MYO1F: variants seen among roughly 807,000 people sequenced by gnomAD.
MYO1F encodes the protein unconventional myosin-If.
A neutral mutation model predicts 146.6 loss-of-function variants in MYO1F; 60 were observed. That is an observed-to-expected ratio of 0.41 (90% CI 0.33 to 0.51). MYO1F has a LOEUF of 0.51. Among genes scored for constraint, MYO1F ranks in the 20% least tolerant of loss-of-function variants. The pLI is 0.25. For missense variants in MYO1F, 1,274 were observed against 1,534.3 expected, an observed-to-expected ratio of 0.83 and a Z score of 2.83; for synonymous variants, 602 against 602.1, an observed-to-expected ratio of 1.00 and a Z score of 0.00.
At chr19:8,567,906 T>G (rs2042035195) in intron 1 of MYO1F, among the ~76,000 whole-genome samples, 1 of 152,222 alleles carries the variant, frequency 6.6e-6, no homozygotes, top group African/African-American at 2.4e-5. Context: ...CCACTCAGGC[T>G]GAACTAAGAC....
chr19:8,561,605 T>C (rs1974133146), intron 1 of MYO1F, among the ~76,000 whole-genome samples: 1 of 147,758 alleles, frequency 6.8e-6, no homozygotes, highest in African/African-American at 2.5e-5. Flanking sequence ...CTCTTCTCTT[T>C]TTTCTTTCTC....
At position 8,570,392 on chromosome 19, in the gene MYO1F, T is replaced by A. The variant is rs140543028; in HGVS notation, c.3+6915A>T. ...GCCACATTTTTTTTTTTATTTGAGA[T>A]GGAGTCTCGCTCTTGTTGCTCAGTC... On this transcript the variant is annotated intron_variant, in intron 1 of 27. Transcript: ENST00000644032. Among the ~76,000 whole-genome samples, 1,267 of 149,160 alleles carry A rather than the reference T, an allele frequency of 8.5e-3. 23 individuals are homozygous for A. Among genetic ancestry groups the A allele is most frequent in the African/African-American group, 0.03 (1,201 of 40,366 alleles).
chr19:8,526,370 G>T, intron 24 of MYO1F, 83 bp downstream of exon 24: 1 of 1,490,490 alleles, frequency 6.7e-7, no homozygotes, highest in Non-Finnish European at 9.1e-7. Flanking sequence ...TCTCTCTGTA[G>T]ACACTCCCCT....
rs372580076 is a variant in MYO1F at position 8,521,433 on chromosome 19, A to G, written c.*95T>C. On this transcript the variant is annotated 3_prime_UTR_variant, in exon 28 of 28. Coordinates refer to ENST00000644032, the MANE Select transcript of MYO1F (RefSeq NM_012335.4). ...CTGGACTTTTAGGCTATTGCAGCCCAGGTAAACGAGGCTCTCATTGGCAGG... is the reference window on the plus strand; with the variant it reads ...CTGGACTTTTAGGCTATTGCAGCCCGGGTAAACGAGGCTCTCATTGGCAGG... The G allele has an allele frequency of 1.4e-5, 19 of 1,327,154 alleles. No individual in the cohort carries two copies. Among genetic ancestry groups the G allele is most frequent in the South Asian group, 4.8e-5 (4 of 82,690 alleles). 82.2% of individuals were successfully genotyped at this position (1,327,154 alleles called of 1,614,324 possible).
chr19:8,538,241 CAG>C (rs1972814194), intron 16 of MYO1F, among the ~76,000 whole-genome samples: 4 of 151,852 alleles, frequency 2.6e-5, no homozygotes, highest in African/African-American at 9.7e-5. Context: ...CCTGGGATTA[CAG>C]GCTTGAGCCA....
rs1434659172 is a variant in MYO1F, at chr19:8,544,362, C to T, written c.1459G>A (p.Val487Met). The T allele has an allele frequency of 5.6e-6, 9 of 1,612,896 alleles. No individual in the cohort carries two copies. Among genetic ancestry groups the T allele is most frequent in the Admixed American group, 1.7e-5 (1 of 59,964 alleles). Reference sequence around the variant, plus strand: ...CTGTTGAAATGCTCGTGGGTCCCCACAGCCGCCTGCAGCTTCTGCAGCAGT... The same window carrying T: ...CTGTTGAAATGCTCGTGGGTCCCCATAGCCGCCTGCAGCTTCTGCAGCAGT... ...QTLLQKLQAAVGTHEHFNSWS... is the reference protein window; with the variant it reads ...QTLLQKLQAAMGTHEHFNSWS... The change falls in exon 14 of 28, where the codon GTG (valine) becomes ATG (methionine). Residue 487 changes from valine (V) to methionine (M), a missense_variant. This residue lies in a region of MYO1F where 900 missense variants were observed against 1,155.1 expected (regional missense o/e 0.78). Transcript: ENST00000644032.
rs1972289029 is a variant in MYO1F, at chr19:8,526,765, GT to G, written c.2621+23del. On this transcript the variant is annotated intron_variant, in intron 23 of 27. Coordinates refer to ENST00000644032, the MANE Select transcript of MYO1F (RefSeq NM_012335.4). ...GCCGCGCCGAGACCACCCCGAGATG[GT>G]GCTGGGGTTGGCGGGGCCGTACGTG... The G allele has an allele frequency of 1.0e-5, 16 of 1,595,878 alleles. No individual in the cohort carries two copies. The Admixed American group carries it at 2.3e-4, about 23-fold the overall frequency.
chr19:8,525,706 G>A (rs1972238978), intron 24 of MYO1F, 144 bp from the exon 25 acceptor site: 1 of 756,218 alleles, frequency 1.3e-6, no homozygotes, highest in Admixed American at 2.0e-5. Flanking sequence ...CAGTTACACT[G>A]GCTCCGCCCA....
intron 6 of MYO1F, 30 bp downstream of exon 6, chr19:8,553,109 G>C (rs773364874): frequency 6.2e-7 from 1 of 1,606,008 alleles, no homozygotes; most frequent in Non-Finnish European, 8.5e-7. Context: ...GGAGGGAGCA[G>C]CTGCTCCAAG....
At chr19:8,568,897 G>T (rs2042058605) in intron 1 of MYO1F, among the ~76,000 whole-genome samples, 1 of 152,012 alleles carries the variant, frequency 6.6e-6, no homozygotes, top group Admixed American at 6.6e-5. Context: ...CTCCAGCCTG[G>T]GCAACAGAGC....
intron 1 of MYO1F, among the ~76,000 whole-genome samples, chr19:8,563,910 T>C (rs924206374): frequency 3.3e-5 from 5 of 152,136 alleles, no homozygotes; most frequent in African/African-American, 1.2e-4. Context: ...ATTATAGGCA[T>C]GAGCCACTGC....
intron 2 of MYO1F, among the ~76,000 whole-genome samples, chr19:8,555,137 G>A (rs1973789945): frequency 6.6e-6 from 1 of 151,428 alleles, no homozygotes; most frequent in African/African-American, 2.4e-5. Context: ...GCGAGCTATC[G>A]TGCCATTGCA....
At chr19:8,564,133 C>G (rs2041957867) in intron 1 of MYO1F, among the ~76,000 whole-genome samples, 1 of 152,046 alleles carries the variant, frequency 6.6e-6, no homozygotes, top group Non-Finnish European at 1.5e-5. Context: ...ATAATCCCAG[C>G]ACTTTGGGAG....
At position 8,553,219 on chromosome 19, in the gene MYO1F, C is replaced by T; in HGVS notation, c.424G>A (p.Asp142Asn). Residue 142 changes from aspartate (D) to asparagine (N), a missense_variant, in exon 6 of 28, where the codon GAT becomes AAT. By Grantham distance (23) the Asp-to-Asn change is conservative (BLOSUM62 1). Around this residue, in one of 2 missense-constraint regions of MYO1F, gnomAD observed 900 missense variants for 1,155.1 expected, o/e 0.78. Coordinates refer to ENST00000644032, the MANE Select transcript of MYO1F (RefSeq NM_012335.4). ...AGCGGGTTGGACTGCAGGATGATAT[C>T]TTTGACGTGCTGGGGCAGAGGCAGG... ...GGGEKVQHVK[D>N]IILQSNPLLE... is the part of the protein sequence containing the mutation. 6.2e-7 allele frequency: 1 copy of T among 1,614,142 alleles called. No homozygotes were observed.
At chr19:8,561,706 T>G (rs1462519934) in intron 1 of MYO1F, among the ~76,000 whole-genome samples, 2 of 150,598 alleles carry the variant, frequency 1.3e-5, no homozygotes, top group African/African-American at 2.4e-5. Context: ...TCCTTCCTCC[T>G]TTTTTTCTAT....
In MYO1F at chr19:8,551,747, T is replaced by C. The variant is rs1238312753; in HGVS notation, c.764A>G (p.Glu255Gly). The C allele has an allele frequency of 2.5e-6, 4 of 1,614,050 alleles. No homozygotes were observed. Among genetic ancestry groups the C allele is most frequent in the Non-Finnish European group, 3.4e-6 (4 of 1,180,050 alleles). ...DGTDDRSDFG[E>G]TLSAMQVIGI... ...GTAGAGGCCGGTGCTCACCAGAGTC[T>C]CACCAAAGTCGCTTCTGTCGTCCGT... The change falls in exon 8 of 28, where the codon GAG becomes GGG. Residue 255 changes from glutamate (E) to glycine (G), a missense_variant. This residue lies in a region of MYO1F where 900 missense variants were observed against 1,155.1 expected (regional missense o/e 0.78). Transcript: ENST00000644032.
At chr19:8,538,149 A>G (rs1230676195) in intron 16 of MYO1F, among the ~76,000 whole-genome samples, 1 of 149,618 alleles carries the variant, frequency 6.7e-6, no homozygotes, top group African/African-American at 2.5e-5. Flanking sequence ...TATTTTTAGT[A>G]GAGACGGGGT....
chr19:8,555,984 C>T (rs914910722), intron 1 of MYO1F, among the ~76,000 whole-genome samples, 188 bp from the exon 2 acceptor site: 31 of 151,728 alleles, frequency 2.0e-4, no homozygotes, highest in African/African-American at 7.3e-4. Context: ...TTGCACTGCT[C>T]GGATCCAGCC....
At chr19:8,553,911 C>T (rs988743099) in intron 4 of MYO1F, among the ~76,000 whole-genome samples, 3 of 150,972 alleles carry the variant, frequency 2.0e-5, no homozygotes, top group Non-Finnish European at 4.4e-5. Context: ...CTCTCTCTCT[C>T]TCTCTCTCTC....
Sources: allele counts gnomAD v4.1 joint callset (sites outside exome capture counted in the v4.1 genomes callset), GRCh38; gene constraint gnomAD v4.1.1; regional missense constraint gnomAD v4.1.1; transcripts MANE v1.5; gene names NCBI Gene and HGNC (gene_info 2026-07-23, HGNC 2026-07-21).